Variants in ACSL5 observed in about 807,000 individuals in gnomAD.
The protein encoded by ACSL5 is long-chain-fatty-acid--CoA ligase 5.
A neutral mutation model predicts 84.9 loss-of-function variants in ACSL5; 50 were observed. The ratio of observed to expected loss-of-function variants is 0.59; its 90% confidence interval spans 0.47 to 0.75. The LOEUF (loss-of-function observed/expected upper bound fraction) is 0.75. ACSL5 is among the 30% of genes least tolerant of loss of function. The pLI is 0.00. For synonymous variants in ACSL5, 280 were observed against 300.7 expected, an observed-to-expected ratio of 0.93 and a Z score of 0.71; for missense variants, 775 against 830.4, an observed-to-expected ratio of 0.93 and a Z score of 0.82.
chr10:112,426,997 G>T, intron 20 of ACSL5, 138 bp downstream of exon 20: 1 of 882,872 alleles, frequency 1.1e-6, no homozygotes, highest in South Asian at 1.7e-5. Context: ...ATGACCTTTT[G>T]TAGTTACTTG....
At position 112,398,892 on chromosome 10, in the gene ACSL5, G is replaced by C; in HGVS notation, c.157-9G>C. ...TTGAACTTGGCCTAAACTTGGTCTT[G>C]TGTCTTAGGGAGGAGCACGGAAGGG... is the stretch of plus-strand genomic sequence containing the variant. On this transcript the variant is annotated splice_polypyrimidine_tract_variant and intron_variant, in intron 2 of 20. Coordinates refer to ENST00000354655, the MANE Select transcript of ACSL5 (RefSeq NM_203379.2). 1 of 1,613,014 alleles carries C rather than the reference G, an allele frequency of 6.2e-7. No individual in the cohort carries two copies. Among genetic ancestry groups the C allele is most frequent in the Non-Finnish European group, 8.5e-7 (1 of 1,179,032 alleles).
chr10:112,394,355 C>T (rs777444746), intron 1 of ACSL5, among the ~76,000 whole-genome samples: 30 of 152,270 alleles, frequency 2.0e-4, no homozygotes, highest in Admixed American at 6.5e-4. Flanking sequence ...GAAATCCTTC[C>T]GATGCTCCAA....
chr10:112,387,104 G>A (rs1020980124), intron 1 of ACSL5, among the ~76,000 whole-genome samples: 10 of 152,022 alleles, frequency 6.6e-5, no homozygotes, highest in Non-Finnish European at 1.5e-4. Flanking sequence ...AAATAGCTTG[G>A]GTAGCTGAGA....
chr10:112,408,098 A>C (rs1844088039), intron 5 of ACSL5, among the ~76,000 whole-genome samples: 1 of 152,022 alleles, frequency 6.6e-6, no homozygotes, highest in South Asian at 2.1e-4. Flanking sequence ...TAGGAGTTTT[A>C]TGCCAGAATG....
At chr10:112,400,619 G>A (rs533358510) in intron 3 of ACSL5, among the ~76,000 whole-genome samples, 6 of 151,998 alleles carry the variant, frequency 3.9e-5, no homozygotes, top group Admixed American at 3.9e-4. Flanking sequence ...ATCTTGGCCA[G>A]GCTGGTCCTA....
In ACSL5 at chr10:112,394,381, G is replaced by A. The variant is rs147255339; in HGVS notation, c.-29-537G>A. Among the ~76,000 whole-genome samples the A allele has an allele frequency of 2.6e-5, 4 of 152,324 alleles. No individual in the cohort carries two copies. The East Asian group carries it at 7.7e-4, about 29-fold the overall frequency. On this transcript the variant is annotated intron_variant, in intron 1 of 20. Coordinates refer to ENST00000354655, the MANE Select transcript of ACSL5 (RefSeq NM_203379.2). Reference sequence around the variant, plus strand: ...GATGCTCCAAAAAATAAAGCAATGAGCAAGACATGTCTAGCCAGCAGGAAA... The same window carrying A: ...GATGCTCCAAAAAATAAAGCAATGAACAAGACATGTCTAGCCAGCAGGAAA...
intron 3 of ACSL5, among the ~76,000 whole-genome samples, chr10:112,401,130 C>T (rs1215052336): frequency 6.6e-6 from 1 of 152,014 alleles, no homozygotes; most frequent in South Asian, 2.1e-4. Context: ...GCAGGAGAAT[C>T]GCTTGAACCT....
rs1024878572 is a variant in ACSL5, at chr10:112,421,683, T to G, written c.1387+18T>G. On this transcript the variant is annotated intron_variant, in intron 15 of 20. Coordinates refer to ENST00000354655, the MANE Select transcript of ACSL5 (RefSeq NM_203379.2). Reference sequence around the variant, plus strand: ...GACATCAGGTAAGTCCTCCATCTGCTGGGCAGGAGGTGCCATGGTTGGGAG... The same window carrying G: ...GACATCAGGTAAGTCCTCCATCTGCGGGGCAGGAGGTGCCATGGTTGGGAG... The G allele has an allele frequency of 6.2e-7, 1 of 1,606,100 alleles. No homozygotes were observed. Among genetic ancestry groups the G allele is most frequent in the African/African-American group, 1.3e-5 (1 of 74,762 alleles).
Position 112,409,548 on chromosome 10 carries a change from T to C in ACSL5, c.574T>C (p.Leu192=), listed in dbSNP as rs746393521. Residue 192 remains leucine (L), a synonymous_variant, in exon 7 of 21, where the codon TTG becomes CTG. Transcript: ENST00000354655. ...GATCTGTGACACACCCCAAAAGGCA[T>C]TGGTGCTGATAGGGAATGTAGAGAA... The part of the protein sequence containing the change: ...MVICDTPQKA[L]VLIGNVEKGF... 6.2e-6 allele frequency: 10 copies of C among 1,613,754 alleles called. No homozygotes were observed. The Middle Eastern group carries it at 5.1e-4, about 82-fold the overall frequency.
intron 6 of ACSL5, chr10:112,408,850 A>C: frequency 4.9e-6 from 1 of 202,916 alleles, no homozygotes; most frequent in African/African-American, 2.3e-5. Flanking sequence ...AATCACAGTA[A>C]AGCTACAGAT....
rs777796514 is a variant in ACSL5, at chr10:112,411,544, G to A, written c.870+15G>A. On this transcript the variant is annotated intron_variant, in intron 10 of 20. Transcript: ENST00000354655. Reference sequence around the variant, plus strand: ...AATGTGTGGAGGTCAGTGGTCAGTTGAAAAAGAGGCTCTCATTAAAATGTG... The same window carrying A: ...AATGTGTGGAGGTCAGTGGTCAGTTAAAAAAGAGGCTCTCATTAAAATGTG... 3.1e-6 allele frequency: 5 copies of A among 1,604,802 alleles called. No individual in the cohort carries two copies. The highest frequency in any genetic ancestry group is 1.7e-4 in the Middle Eastern group (1 of 6,036).
At chr10:112,405,345 G>C (rs569629671) in intron 5 of ACSL5, among the ~76,000 whole-genome samples, 1 of 152,202 alleles carries the variant, frequency 6.6e-6, no homozygotes, top group Admixed American at 6.5e-5. Context: ...TGCTTCAAAC[G>C]CTCCCTAGAA....
At position 112,427,496 on chromosome 10, in the gene ACSL5, T is replaced by A; in HGVS notation, c.*138T>A. The A allele has an allele frequency of 1.3e-6, 1 of 751,968 alleles. No homozygotes were observed. The allele number at this position is 751,968 out of a possible 1,614,324, so 46.6% of individuals were successfully genotyped here. On this transcript the variant is annotated 3_prime_UTR_variant, in exon 21 of 21. Coordinates refer to ENST00000354655, the MANE Select transcript of ACSL5 (RefSeq NM_203379.2). ...AACTCTAAAGCCATAGCTTTTGTTT[T>A]ATATTGAGACATATAATGTGTAAAC...
chr10:112,425,090 T>C, intron 17 of ACSL5: 1 of 305,318 alleles, frequency 3.3e-6, no homozygotes, highest in Non-Finnish European at 6.0e-6. Flanking sequence ...ATAACTCCAG[T>C]AGATCCAGGA....
intron 2 of ACSL5, among the ~76,000 whole-genome samples, chr10:112,397,498 G>A (rs887424421): frequency 5.9e-5 from 9 of 151,950 alleles, no homozygotes; most frequent in East Asian, 3.9e-4. Flanking sequence ...TGAATACGCC[G>A]TCCTCTAGCT....
intron 9 of ACSL5, among the ~76,000 whole-genome samples, chr10:112,411,102 A>G (rs1844165861): frequency 1.3e-5 from 2 of 152,228 alleles, no homozygotes. Flanking sequence ...GTTTATAACC[A>G]TATCACTATA....
intron 12 of ACSL5, among the ~76,000 whole-genome samples, chr10:112,413,774 TC>T (rs917814931): frequency 6.6e-6 from 1 of 151,930 alleles, no homozygotes; most frequent in African/African-American, 2.4e-5. Flanking sequence ...ATAAGTGCAA[TC>T]CCCTTTTCCT....
chr10:112,415,009 C>A (rs1844281906), intron 12 of ACSL5, among the ~76,000 whole-genome samples: 1 of 152,152 alleles, frequency 6.6e-6, no homozygotes, highest in Non-Finnish European at 1.5e-5. Context: ...GGTGACAGGG[C>A]AGGCAGTGTT....
At chr10:112,383,828 G>A (rs147381558) in intron 1 of ACSL5, among the ~76,000 whole-genome samples, 153 of 151,372 alleles carry the variant, frequency 1.0e-3, no homozygotes, top group African/African-American at 3.6e-3. Flanking sequence ...TTTTGTAAGT[G>A]TGCATATTTC....
Sources: gnomAD v4.1 joint callset for allele counts (sites outside exome capture counted in the v4.1 genomes callset) on GRCh38, gnomAD v4.1.1 for gene constraint, MANE v1.5 for transcripts, NCBI Gene and HGNC (gene_info 2026-07-23, HGNC 2026-07-21) for gene names.